The following CCDC13 variants were observed in gnomAD, a reference collection of about 807,000 sequenced individuals.
CCDC13 encodes the protein coiled-coil domain-containing protein 13.
A neutral mutation model predicts 87.3 loss-of-function variants in CCDC13; 70 were observed. The observed-to-expected ratio is 0.80, with a 90% CI of 0.66 to 0.98. The LOEUF is 0.98. Among genes scored for constraint, CCDC13 ranks in the 50% least tolerant of loss-of-function variants. CCDC13 has a pLI of 0.00. For synonymous variants in CCDC13, 317 were observed against 360.3 expected, an observed-to-expected ratio of 0.88 and a Z score of 1.36; for missense variants, 842 against 892.0, an observed-to-expected ratio of 0.94 and a Z score of 0.71.
At chr3:42,772,538 C>G (rs1230953944) in intron 1 of CCDC13, among the ~76,000 whole-genome samples, 1 of 152,158 alleles carries the variant, frequency 6.6e-6, no homozygotes, top group East Asian at 1.9e-4. Flanking sequence ...TTCTTCTTTT[C>G]TTTTACTGTG....
At chr3:42,744,800 G>A (rs1257558913) in intron 7 of CCDC13, 6 of 96,112 alleles carry the variant, frequency 6.2e-5, no homozygotes, top group East Asian at 3.3e-4. Context: ...GCGAGACTCC[G>A]TCTCAAAAAA....
intron 1 of CCDC13, among the ~76,000 whole-genome samples, chr3:42,763,391 A>G (rs1699872740): frequency 6.6e-6 from 1 of 152,166 alleles, no homozygotes; most frequent in Non-Finnish European, 1.5e-5. Flanking sequence ...CTTACAGAAC[A>G]CTATGTTAGG....
At chr3:42,710,113 CT>C (rs1200200759) in intron 14 of CCDC13, among the ~76,000 whole-genome samples, 136 of 137,446 alleles carry the variant, frequency 9.9e-4, no homozygotes, top group Non-Finnish European at 1.1e-3. Context: ...TTTTTTTTTT[CT>C]TTTTTTTTTT....
intron 13 of CCDC13, among the ~76,000 whole-genome samples, chr3:42,716,641 T>C (rs1698436693): frequency 1.3e-5 from 2 of 152,016 alleles, no homozygotes; most frequent in African/African-American, 2.4e-5. Context: ...CAAAGAGATA[T>C]CACTTCAAAC....
rs1575323621 is a variant in CCDC13, at chr3:42,752,010, T to G, written c.529A>C (p.Thr177Pro). 1 of 1,607,322 alleles carries G rather than the reference T, an allele frequency of 6.2e-7. No individual in the cohort carries two copies. The highest frequency in any genetic ancestry group is 1.1e-5 in the South Asian group (1 of 91,086). The change falls in exon 5 of 16, where the codon ACC becomes CCC. Residue 177 changes from threonine (T) to proline (P), a missense_variant. Physicochemically the swap from Thr to Pro is conservative, Grantham distance 38. Coordinates refer to ENST00000310232, the MANE Select transcript of CCDC13 (RefSeq NM_144719.4). ...ELERELQTAL[T>P]RLSAKGATDA... Reference sequence around the variant, plus strand: ...GTGGCCCCCTTGGCTGACAGCCTGGTCAGGGCTGTCTGCAGCTGAAAAAGC... The same window carrying G: ...GTGGCCCCCTTGGCTGACAGCCTGGGCAGGGCTGTCTGCAGCTGAAAAAGC...
chr3:42,761,904 C>T lies in CCDC13; in HGVS notation c.-6-3553G>A, dbSNP rs189921920. 3.5e-4 allele frequency among the ~76,000 whole-genome samples: 53 copies of T among 152,284 alleles called. 1 individual carries two copies. Among genetic ancestry groups the T allele is most frequent in the Non-Finnish European group, 6.3e-4 (43 of 68,030 alleles). The stretch of plus-strand genomic sequence containing the variant: ...TGAATACCATGGTCCTTTTCTGACC[C>T]GCCAGGAGGAATACTCTACCTACCC... On this transcript the variant is annotated intron_variant, in intron 1 of 15. Coordinates refer to ENST00000310232, the MANE Select transcript of CCDC13 (RefSeq NM_144719.4).
intron 14 of CCDC13, among the ~76,000 whole-genome samples, chr3:42,712,023 C>A (rs1575266872): frequency 6.6e-6 from 1 of 152,178 alleles, no homozygotes; most frequent in Admixed American, 6.5e-5. Flanking sequence ...GCCCCAGAGA[C>A]CCTTCCTTCC....
At chr3:42,743,908 T>C (rs918084543) in intron 7 of CCDC13, among the ~76,000 whole-genome samples, 3 of 152,122 alleles carry the variant, frequency 2.0e-5, no homozygotes, top group Non-Finnish European at 4.4e-5. Flanking sequence ...GCCTCACAGA[T>C]TGTGTGACTG....
At chr3:42,705,449 C>T (rs973068666), downstream of CCDC13, among the ~76,000 whole-genome samples, 1 of 152,210 alleles carries the variant, frequency 6.6e-6, no homozygotes, top group Non-Finnish European at 1.5e-5. Flanking sequence ...ACTACGTCCA[C>T]AGCTCAGCCA....
chr3:42,730,645 C>T (rs1000459528), intron 12 of CCDC13, 56 bp from the exon 13 acceptor site: 7 of 1,598,278 alleles, frequency 4.4e-6, no homozygotes, highest in African/African-American at 1.3e-5. Context: ...AGAAATAACA[C>T]TTACCCCTGT....
At chr3:42,737,132 C>T (rs1244814896) in intron 9 of CCDC13, among the ~76,000 whole-genome samples, 1 of 150,800 alleles carries the variant, frequency 6.6e-6, no homozygotes, top group African/African-American at 2.4e-5. Flanking sequence ...TCTCATTGTT[C>T]AATTCCCACC....
intron 13 of CCDC13, chr3:42,718,236 C>T (rs941590630): frequency 6.6e-6 from 1 of 152,144 alleles, no homozygotes; most frequent in Non-Finnish European, 1.5e-5. Context: ...TCCAAACCCA[C>T]CAAAACCAAG....
rs967477373 is a variant in CCDC13, at chr3:42,770,272, G to A, written c.-7+2904C>T. On this transcript the variant is annotated intron_variant, in intron 1 of 15. Transcript: ENST00000310232. ...CTCAGGGTTTGTGAATGCACCAATC[G>A]GCACTCTGTATCTAGCTAATCTGGT... is the stretch of plus-strand genomic sequence containing the variant. Among the ~76,000 whole-genome samples the A allele has an allele frequency of 2.0e-5, 3 of 152,070 alleles. No homozygotes were observed. The South Asian group carries it at 6.2e-4, about 32-fold the overall frequency.
At chr3:42,770,609 C>A (rs1278894803) in intron 1 of CCDC13, 1 of 152,302 alleles carries the variant, frequency 6.6e-6, no homozygotes, top group Non-Finnish European at 1.5e-5. Flanking sequence ...TGGCAACCTG[C>A]TGAGGTCCCC....
chr3:42,758,359 T>G lies in CCDC13; in HGVS notation c.-6-8A>C, dbSNP rs774085223. The stretch of plus-strand genomic sequence containing the variant: ...ATCTGCTGCCATCCTGCCCTAGGCA[T>G]CAGAAATGAAGCCTCAGCTGAAGCA... On this transcript the variant is annotated splice_polypyrimidine_tract_variant and splice_region_variant and intron_variant, in intron 1 of 15. Transcript: ENST00000310232. 1 of 1,611,228 alleles carries G rather than the reference T, an allele frequency of 6.2e-7. No homozygotes were observed. Among genetic ancestry groups the G allele is most frequent in the African/African-American group, 1.3e-5 (1 of 74,926 alleles).
chr3:42,746,948 C>T, intron 6 of CCDC13: 2 of 484,772 alleles, frequency 4.1e-6, no homozygotes, highest in Non-Finnish European at 7.6e-6. Flanking sequence ...GCAGGGAAGG[C>T]TTAATGGACT....
intron 15 of CCDC13, 90 bp from the exon 16 acceptor site, chr3:42,709,229 A>T: frequency 1.5e-6 from 2 of 1,356,124 alleles, no homozygotes; most frequent in South Asian, 2.9e-5. Context: ...GGTTGCCAGC[A>T]TGGCTGCTCT....
Position 42,746,050 on chromosome 3 carries a change from A to G in CCDC13, c.721-23T>C, listed in dbSNP as rs1276350497. 1.9e-6 allele frequency: 3 copies of G among 1,580,704 alleles called. No homozygotes were observed. In the East Asian group the frequency reaches 6.7e-5, roughly 35 times the overall value. On this transcript the variant is annotated intron_variant, in intron 6 of 15. Coordinates refer to ENST00000310232, the MANE Select transcript of CCDC13 (RefSeq NM_144719.4). Reference sequence around the variant, plus strand: ...AACCTGAAATAAGGCAGGGCCTTCAATGTGGCCAAAAGAGAGGGCTCCACC... The same window carrying G: ...AACCTGAAATAAGGCAGGGCCTTCAGTGTGGCCAAAAGAGAGGGCTCCACC...
intron 8 of CCDC13, among the ~76,000 whole-genome samples, chr3:42,742,379 G>A (rs1228609052): frequency 1.3e-5 from 2 of 152,150 alleles, no homozygotes; most frequent in Non-Finnish European, 2.9e-5. Flanking sequence ...TGAGAGCAAG[G>A]CCCCGATCTG....
Sources: gnomAD v4.1 joint callset for allele counts (sites outside exome capture counted in the v4.1 genomes callset) on GRCh38, gnomAD v4.1.1 for gene constraint, MANE v1.5 for transcripts, NCBI Gene and HGNC (gene_info 2026-07-23, HGNC 2026-07-21) for gene names.